DOCK3: variants seen among roughly 807,000 people sequenced by gnomAD.
The protein encoded by DOCK3 is dedicator of cytokinesis protein 3.
DOCK3 carries 60 observed loss-of-function variants against 265.6 expected under a neutral mutation model. The observed-to-expected ratio is 0.23, with a 90% CI of 0.18 to 0.28. The LOEUF is 0.28. DOCK3 is among the 10% of genes least tolerant of loss of function. The pLI is 1.00. For missense variants in DOCK3, 1,981 were observed against 2,594.3 expected (o/e 0.76, Z 5.14); for synonymous variants, 881 against 938.0 (o/e 0.94, Z 1.11).
At chr3:51,362,774 G>A in intron 49 of DOCK3, 100 bp downstream of exon 49, 1 of 1,464,252 alleles carries the variant, frequency 6.8e-7, no homozygotes, top group Non-Finnish European at 9.2e-7. Context: ...GAGCAGCCCT[G>A]TGACTTAGAG....
intron 45 of DOCK3, 56 bp downstream of exon 45, chr3:51,357,897 A>G: frequency 6.2e-7 from 1 of 1,613,356 alleles, no homozygotes. Context: ...CATGCACTAC[A>G]AGATGAGCAG....
intron 14 of DOCK3, among the ~76,000 whole-genome samples, chr3:51,221,328 T>C (rs1232521053): frequency 6.6e-6 from 1 of 152,192 alleles, no homozygotes; most frequent in South Asian, 2.1e-4. Flanking sequence ...GTGGCTGTTC[T>C]TCACACATAA....
intron 1 of DOCK3, among the ~76,000 whole-genome samples, chr3:50,702,182 T>G (rs1265938459): frequency 1.3e-5 from 2 of 152,202 alleles, no homozygotes; most frequent in Non-Finnish European, 2.9e-5. Context: ...ACACTGTTAG[T>G]TCTTTGGATC....
intron 13 of DOCK3, among the ~76,000 whole-genome samples, chr3:51,209,450 A>G (rs1439043572): frequency 6.6e-6 from 1 of 152,180 alleles, no homozygotes; most frequent in African/African-American, 2.4e-5. Flanking sequence ...GCAGTTCTAC[A>G]TATTATATTG....
At chr3:51,163,838 A>T (rs938888170) in intron 12 of DOCK3, among the ~76,000 whole-genome samples, 2 of 152,136 alleles carry the variant, frequency 1.3e-5, no homozygotes, top group African/African-American at 4.8e-5. Flanking sequence ...CAAATTATGT[A>T]CTCAATCACA....
chr3:51,054,101 G>T, intron 5 of DOCK3, among the ~76,000 whole-genome samples: 1 of 117,382 alleles, frequency 8.5e-6, no homozygotes, highest in South Asian at 2.7e-4. Flanking sequence ...ATTTGGTGAA[G>T]CACTTTCCCC....
chr3:51,344,618 A>C (rs1343986946), intron 38 of DOCK3, among the ~76,000 whole-genome samples: 1 of 152,204 alleles, frequency 6.6e-6, no homozygotes, highest in East Asian at 1.9e-4. Flanking sequence ...ATTCTGTCTC[A>C]AAACAAAACA....
intron 10 of DOCK3, 100 bp from the exon 11 acceptor site, chr3:51,159,144 C>A (rs2086007364): frequency 9.0e-7 from 1 of 1,107,952 alleles, no homozygotes; most frequent in Non-Finnish European, 1.4e-6. Flanking sequence ...CCTTCCCCTG[C>A]CTATAACATA....
chr3:51,200,820 G>T (rs1194684714), intron 12 of DOCK3, among the ~76,000 whole-genome samples: 1 of 152,106 alleles, frequency 6.6e-6, no homozygotes, highest in Non-Finnish European at 1.5e-5. Flanking sequence ...ACTAACAGCG[G>T]ATCTCTTGGC....
At chr3:51,211,465 C>T (rs967825805) in intron 13 of DOCK3, among the ~76,000 whole-genome samples, 2 of 151,682 alleles carry the variant, frequency 1.3e-5, no homozygotes, top group Non-Finnish European at 2.9e-5. Flanking sequence ...TGTGCTGCAC[C>T]CATTAACTCA....
At chr3:51,083,392 G>A (rs531195981) in intron 7 of DOCK3, among the ~76,000 whole-genome samples, 1 of 152,214 alleles carries the variant, frequency 6.6e-6, no homozygotes, top group South Asian at 2.1e-4. Context: ...ACATAAAAAA[G>A]CAAAGATACA....
rs79806725 is a variant in DOCK3, at chr3:51,192,187, C to T, written c.1038-16587C>T. On this transcript the variant is annotated intron_variant, in intron 12 of 52. Transcript: ENST00000266037. ...TCCAGCAGCATTTTCCCTAGGTTTT[C>T]AAACTTCTATTATGTTTATAGTTTC... Among the ~76,000 whole-genome samples the T allele has an allele frequency of 9.0e-3, 1,359 of 151,498 alleles. 26 individuals are homozygous for T. The highest frequency in any genetic ancestry group is 0.029 in the African/African-American group (1,212 of 41,394).
At chr3:50,875,170 C>G (rs528589798) in intron 3 of DOCK3, among the ~76,000 whole-genome samples, 22 of 152,174 alleles carry the variant, frequency 1.4e-4, no homozygotes, top group Non-Finnish European at 3.1e-4. Context: ...GCCTATGTAA[C>G]AAACCTGCAC....
chr3:51,357,920 A>G lies in DOCK3; in HGVS notation c.4768-41A>G, dbSNP rs777760191. ...ACAAGATGAGCAGTTCTCAGGGGCTACTCATGGTTCACAGAGTGGCCTTGT... is the reference window on the plus strand; with the variant it reads ...ACAAGATGAGCAGTTCTCAGGGGCTGCTCATGGTTCACAGAGTGGCCTTGT... On this transcript the variant is annotated intron_variant, in intron 45 of 52. Transcript: ENST00000266037. 1.9e-6 allele frequency: 3 copies of G among 1,612,752 alleles called. No homozygotes were observed. The South Asian group carries it at 3.3e-5, about 18-fold the overall frequency.
At chr3:50,803,238 T>C (rs992713093) in intron 2 of DOCK3, among the ~76,000 whole-genome samples, 3 of 152,148 alleles carry the variant, frequency 2.0e-5, no homozygotes, top group African/African-American at 7.2e-5. Flanking sequence ...GCAGTGTTTG[T>C]GTCCCTGGGT....
chr3:50,957,103 T>G (rs143303142), intron 5 of DOCK3, among the ~76,000 whole-genome samples: 14 of 152,322 alleles, frequency 9.2e-5, no homozygotes, highest in Middle Eastern at 3.4e-3. Context: ...CACTGAAGCA[T>G]CTGGTCAATG....
At chr3:50,901,517 T>G in intron 4 of DOCK3, 3 of 399,938 alleles carry the variant, frequency 7.5e-6, no homozygotes, top group Non-Finnish European at 1.5e-5. Flanking sequence ...ACCACCGGAG[T>G]GTGAAAAAAT....
At chr3:51,355,085 G>A (rs1268889074) in intron 41 of DOCK3, 62 bp downstream of exon 41, 15 of 1,567,748 alleles carry the variant, frequency 9.6e-6, no homozygotes, top group East Asian at 9.2e-5. Context: ...GATCCACCCA[G>A]TCAGCTGCCC....
At chr3:50,815,979 T>C (rs1052652323) in intron 2 of DOCK3, among the ~76,000 whole-genome samples, 2 of 152,102 alleles carry the variant, frequency 1.3e-5, no homozygotes, top group Non-Finnish European at 2.9e-5. Context: ...AGAGGACTTT[T>C]ATTAAACACT....
Sources: allele counts gnomAD v4.1 joint callset (sites outside exome capture counted in the v4.1 genomes callset), GRCh38; gene constraint gnomAD v4.1.1; transcripts MANE v1.5; gene names NCBI Gene and HGNC (gene_info 2026-07-23, HGNC 2026-07-21).